The following NOL4 variants were observed in gnomAD, a reference collection of about 807,000 sequenced individuals.
NOL4 encodes cancer/testis antigen 125.
Under a neutral mutation model 75.9 loss-of-function variants are expected in NOL4, and 17 were observed. The observed-to-expected ratio is 0.22, with a 90% CI of 0.15 to 0.34. The LOEUF (loss-of-function observed/expected upper bound fraction) is 0.34. NOL4 is among the 10% of genes least tolerant of loss of function. The pLI is 1.00. For synonymous variants in NOL4, 292 were observed against 289.9 expected (o/e 1.01, Z -0.07); for missense variants, 614 against 793.5 (o/e 0.77, Z 2.72).
chr18:34,224,560 G>A lies in NOL4; in HGVS notation c.-1307C>T, dbSNP rs1327763700. On this transcript the variant is annotated 5_prime_UTR_variant, in exon 1 of 11. Coordinates refer to ENST00000261592, the MANE Select transcript of NOL4 (RefSeq NM_003787.5). The stretch of plus-strand genomic sequence containing the variant: ...GCTCCTCTTTATTCTACTCTCACCC[G>A]AGGCCCGCGCCCGTCCCGGGGAGCG... 6.6e-6 allele frequency: 1 copy of A among 152,024 alleles called. No individual in the cohort carries two copies. Among genetic ancestry groups the A allele is most frequent in the Non-Finnish European group, 1.5e-5 (1 of 68,044 alleles). 9.4% of individuals were successfully genotyped at this position (152,024 alleles called of 1,614,324 possible).
chr18:33,987,987 A>C (rs1461254566), intron 6 of NOL4, among the ~76,000 whole-genome samples: 2 of 152,108 alleles, frequency 1.3e-5, no homozygotes, highest in African/African-American at 4.8e-5. Context: ...GAAGAAAATC[A>C]AGAACCAAGA....
intron 1 of NOL4, among the ~76,000 whole-genome samples, chr18:34,178,828 T>C (rs920586801): frequency 6.6e-6 from 1 of 151,600 alleles, no homozygotes; most frequent in African/African-American, 2.4e-5. Flanking sequence ...AACTTGACAA[T>C]GTGATAAACC....
intron 1 of NOL4, among the ~76,000 whole-genome samples, chr18:34,209,289 G>T (rs1240162842): frequency 6.6e-6 from 1 of 151,736 alleles, no homozygotes; most frequent in African/African-American, 2.4e-5. Flanking sequence ...ATTTGTAAAG[G>T]CTTATTATGT....
At chr18:34,053,648 T>C (rs2145011157) in intron 5 of NOL4, among the ~76,000 whole-genome samples, 1 of 151,982 alleles carries the variant, frequency 6.6e-6, no homozygotes, top group South Asian at 2.1e-4. Flanking sequence ...TTAAGAAACA[T>C]ACTTAAGAAA....
intron 9 of NOL4, among the ~76,000 whole-genome samples, chr18:33,911,191 T>G (rs1280688967): frequency 6.6e-6 from 1 of 151,284 alleles, no homozygotes; most frequent in Non-Finnish European, 1.5e-5. Flanking sequence ...TTTCATGTGT[T>G]CCAGAACTTT....
chr18:34,207,112 T>C (rs780596091), intron 1 of NOL4, among the ~76,000 whole-genome samples: 1 of 152,176 alleles, frequency 6.6e-6, no homozygotes, highest in Non-Finnish European at 1.5e-5. Context: ...TTCAAGAGTG[T>C]TTGCATTTTC....
At chr18:34,134,550 G>A (rs1054613594) in intron 1 of NOL4, among the ~76,000 whole-genome samples, 1 of 150,832 alleles carries the variant, frequency 6.6e-6, no homozygotes, top group African/African-American at 2.4e-5. Flanking sequence ...AACAATAATA[G>A]CTGGAAACGT....
chr18:33,984,651 C>T (rs2072285019), intron 6 of NOL4, among the ~76,000 whole-genome samples: 1 of 152,118 alleles, frequency 6.6e-6, no homozygotes, highest in African/African-American at 2.4e-5. Flanking sequence ...CTTTGCCTTT[C>T]AGCCATGAGT....
chr18:33,942,210 A>AC lies in NOL4; in HGVS notation c.1542+854_1542+855insG, dbSNP rs2068536655. Among the ~76,000 whole-genome samples the AC allele has an allele frequency of 2.0e-4, 31 of 152,108 alleles. No homozygotes were observed. The South Asian group carries it at 3.5e-3, about 17-fold the overall frequency. On this transcript the variant is annotated intron_variant, in intron 9 of 10. Transcript: ENST00000261592. The stretch of plus-strand genomic sequence containing the variant: ...ACTTACTTTAGTCTTGACTCATCTC[A>AC]TCCTCAATTAGCAATATAAAGCATA...
chr18:33,918,408 T>C (rs2066851182), intron 9 of NOL4, among the ~76,000 whole-genome samples: 1 of 152,228 alleles, frequency 6.6e-6, no homozygotes, highest in African/African-American at 2.4e-5. Flanking sequence ...TTTATTCGTA[T>C]GTTATTAATA....
intron 2 of NOL4, among the ~76,000 whole-genome samples, chr18:34,116,636 T>A (rs1320538446): frequency 6.6e-6 from 1 of 152,166 alleles, no homozygotes; most frequent in Non-Finnish European, 1.5e-5. Context: ...ATAAATGACC[T>A]TTCCAACTTG....
At chr18:33,879,548 G>A (rs1182947666) in intron 10 of NOL4, among the ~76,000 whole-genome samples, 1 of 151,940 alleles carries the variant, frequency 6.6e-6, no homozygotes, top group South Asian at 2.1e-4. Context: ...CAGCATGGAG[G>A]CATGCACCTG....
chr18:34,049,618 G>T (rs1345591346), intron 5 of NOL4, among the ~76,000 whole-genome samples: 2 of 151,992 alleles, frequency 1.3e-5, no homozygotes, highest in East Asian at 1.9e-4. Context: ...CTCACCCAGG[G>T]AGTCATCTGA....
At chr18:33,998,328 G>A (rs1418680376) in intron 6 of NOL4, among the ~76,000 whole-genome samples, 3 of 152,028 alleles carry the variant, frequency 2.0e-5, no homozygotes, top group African/African-American at 7.2e-5. Flanking sequence ...GAATGGGTTA[G>A]CCAATTCCCT....
At chr18:33,866,247 T>C (rs1273290953) in intron 10 of NOL4, among the ~76,000 whole-genome samples, 1 of 152,162 alleles carries the variant, frequency 6.6e-6, no homozygotes, top group Non-Finnish European at 1.5e-5. Context: ...GTTTGAAAAA[T>C]TAAGTACTGC....
intron 1 of NOL4, among the ~76,000 whole-genome samples, chr18:34,138,000 T>G (rs1397412608): frequency 6.6e-6 from 1 of 152,142 alleles, no homozygotes; most frequent in Non-Finnish European, 1.5e-5. Flanking sequence ...AAATAAGTAC[T>G]GATTCATCCA....
intron 1 of NOL4, among the ~76,000 whole-genome samples, chr18:34,139,787 A>G (rs2081063241): frequency 6.6e-6 from 1 of 152,066 alleles, no homozygotes; most frequent in Admixed American, 6.6e-5. Flanking sequence ...TCAATTTTAG[A>G]TCTTTCCTGC....
rs562263271 is a variant in NOL4 at position 34,224,799 on chromosome 18, G to A, written c.-1546C>T. Reference sequence around the variant, plus strand: ...TGTGCGTGTGTGTGAGCAAGGGAGCGAGGGTGTGCGGTGTGCAGGGGGTGC... The same window carrying A: ...TGTGCGTGTGTGTGAGCAAGGGAGCAAGGGTGTGCGGTGTGCAGGGGGTGC... On this transcript the variant is annotated 5_prime_UTR_variant, in exon 1 of 11. Coordinates refer to ENST00000261592, the MANE Select transcript of NOL4 (RefSeq NM_003787.5). 5.2e-5 allele frequency: 8 copies of A among 154,722 alleles called. No homozygotes were observed. In the South Asian group the frequency reaches 1.6e-3, roughly 31 times the overall value. The allele number at this position is 154,722 out of a possible 1,614,324, so 9.6% of individuals were successfully genotyped here.
chr18:34,140,246 G>T (rs910794023), intron 1 of NOL4, among the ~76,000 whole-genome samples: 5 of 152,134 alleles, frequency 3.3e-5, no homozygotes, highest in African/African-American at 1.2e-4. Context: ...TTAACATTCT[G>T]TCCCGTTGAT....
Sources: gnomAD v4.1 joint callset for allele counts (sites outside exome capture counted in the v4.1 genomes callset) on GRCh38, gnomAD v4.1.1 for gene constraint, MANE v1.5 for transcripts, NCBI Gene and HGNC (gene_info 2026-07-23, HGNC 2026-07-21) for gene names.